Variants in DNAH7 observed in about 807,000 individuals in gnomAD.
DNAH7 encodes the protein axonemal beta dynein heavy chain 7.
Under a neutral mutation model 444.6 loss-of-function variants are expected in DNAH7, and 397 were observed. That is an observed-to-expected ratio of 0.89 (90% confidence interval 0.82 to 0.97). The LOEUF (loss-of-function observed/expected upper bound fraction) is 0.97. DNAH7 is among the 50% of genes least tolerant of loss of function. The pLI is 0.00. For missense variants in DNAH7, 4,902 were observed against 4,800.8 expected (o/e 1.02, Z -0.62); for synonymous variants, 1,636 against 1,624.4 (o/e 1.01, Z -0.17).
At chr2:195,900,608 A>C in intron 27 of DNAH7, 114 bp from the exon 28 acceptor site, 1 of 964,872 alleles carries the variant, frequency 1.0e-6, no homozygotes, top group Non-Finnish European at 1.6e-6. Flanking sequence ...AGTTTATCTC[A>C]TAGAAGTAGA....
intron 46 of DNAH7, 52 bp downstream of exon 46, chr2:195,853,291 T>C: frequency 1.3e-6 from 2 of 1,529,150 alleles, no homozygotes; most frequent in Non-Finnish European, 1.8e-6. Context: ...TGAAGGGTTA[T>C]ATTGGCTGTG....
chr2:195,807,747 G>A (rs1478638529), intron 53 of DNAH7, among the ~76,000 whole-genome samples: 1 of 152,178 alleles, frequency 6.6e-6, no homozygotes, highest in Non-Finnish European at 1.5e-5. Flanking sequence ...GAAAAGCTAT[G>A]TGGTATCTCA....
At chr2:196,013,040 G>T in intron 9 of DNAH7, 134 bp from the exon 10 acceptor site, 1 of 551,234 alleles carries the variant, frequency 1.8e-6, no homozygotes, top group Non-Finnish European at 2.9e-6. Context: ...ATAATTAAAT[G>T]TTAAAGAACA....
chr2:195,843,234 G>A (rs1482746129), intron 47 of DNAH7, among the ~76,000 whole-genome samples: 1 of 152,066 alleles, frequency 6.6e-6, no homozygotes, highest in African/African-American at 2.4e-5. Flanking sequence ...ATTCAACAAC[G>A]AGCTGCCCTT....
At chr2:195,922,267 A>AT in intron 23 of DNAH7, 70 bp from the exon 24 acceptor site, 1 of 915,806 alleles carries the variant, frequency 1.1e-6, no homozygotes, top group South Asian at 1.4e-5. Context: ...AAGCTCTTTA[A>AT]TAAGTAATAA....
chr2:195,829,933 C>T (rs1160789595), intron 48 of DNAH7, among the ~76,000 whole-genome samples: 1 of 151,312 alleles, frequency 6.6e-6, no homozygotes, highest in African/African-American at 2.4e-5. Context: ...ATGCGTCTCA[C>T]CGGAAAATTT....
At chr2:195,941,158 G>C (rs1398548701) in intron 19 of DNAH7, among the ~76,000 whole-genome samples, 1 of 152,100 alleles carries the variant, frequency 6.6e-6, no homozygotes, top group African/African-American at 2.4e-5. Flanking sequence ...TAAAGAAAAT[G>C]TGGCACATAT....
At chr2:195,970,990 G>A (rs1323237138) in intron 16 of DNAH7, among the ~76,000 whole-genome samples, 1 of 152,112 alleles carries the variant, frequency 6.6e-6, no homozygotes, top group Non-Finnish European at 1.5e-5. Context: ...AATTTTCCAA[G>A]AGCCTATTTT....
Position 195,754,448 on chromosome 2 carries a change from G to A in DNAH7, c.11653C>T (p.Leu3885=). Residue 3885 remains leucine (L), a synonymous_variant, in exon 63 of 65, where the codon CTG becomes TTG. Coordinates refer to ENST00000312428, the MANE Select transcript of DNAH7 (RefSeq NM_018897.3). ...LSGFFFTQAF[L]TGAQQNYARK... ...GCGTAGTTCTGCTGGGCACCGGTCA[G>A]GAAGGCTTGTGTGAAGAAGAAGCCA... The A allele has an allele frequency of 6.2e-7, 1 of 1,614,124 alleles. No homozygotes were observed. Among genetic ancestry groups the A allele is most frequent in the Non-Finnish European group, 8.5e-7 (1 of 1,179,978 alleles).
intron 5 of DNAH7, among the ~76,000 whole-genome samples, chr2:196,042,257 T>C (rs539712831): frequency 3.3e-5 from 5 of 151,934 alleles, no homozygotes; most frequent in Non-Finnish European, 5.9e-5. Context: ...ATATTCGAAA[T>C]AAAGAAAATA....
intron 49 of DNAH7, among the ~76,000 whole-genome samples, chr2:195,818,457 C>T (rs1433749081): frequency 6.6e-6 from 1 of 152,132 alleles, no homozygotes; most frequent in East Asian, 1.9e-4. Flanking sequence ...GCAGGTCTCT[C>T]TTCATTGTCC....
At chr2:195,847,276 A>G (rs1192294618) in intron 46 of DNAH7, among the ~76,000 whole-genome samples, 1 of 151,664 alleles carries the variant, frequency 6.6e-6, no homozygotes, top group Non-Finnish European at 1.5e-5. Context: ...AATCAACTCA[A>G]ATGGTACATA....
At chr2:195,777,717 A>G (rs1320420935) in intron 59 of DNAH7, 83 bp downstream of exon 59, 1 of 1,424,596 alleles carries the variant, frequency 7.0e-7, no homozygotes, top group South Asian at 1.4e-5. Context: ...GGCCTGCAGC[A>G]AAATCACCAT....
chr2:196,049,031 C>T (rs1258908166), intron 3 of DNAH7, among the ~76,000 whole-genome samples: 3 of 152,280 alleles, frequency 2.0e-5, no homozygotes, highest in Admixed American at 1.3e-4. Context: ...TATTGCAATA[C>T]CAGAACACAA....
intron 12 of DNAH7, chr2:195,995,495 G>T: frequency 3.0e-6 from 1 of 330,376 alleles, no homozygotes; most frequent in South Asian, 2.6e-5. Flanking sequence ...AACCATCTGA[G>T]AGGTACTGTG....
intron 15 of DNAH7, among the ~76,000 whole-genome samples, chr2:195,982,645 A>C (rs1268672254): frequency 6.6e-6 from 1 of 152,252 alleles, no homozygotes; most frequent in Non-Finnish European, 1.5e-5. Context: ...ATTCAGTTAT[A>C]AAAAAGAATG....
intron 47 of DNAH7, among the ~76,000 whole-genome samples, chr2:195,838,566 C>G (rs1304022025): frequency 2.6e-5 from 4 of 151,712 alleles, no homozygotes; most frequent in African/African-American, 2.4e-5. Context: ...AGTAGCAGAA[C>G]AGAGATAACA....
At chr2:196,054,571 T>C (rs1697683791) in intron 2 of DNAH7, among the ~76,000 whole-genome samples, 9 of 152,126 alleles carry the variant, frequency 5.9e-5, no homozygotes, top group Admixed American at 5.2e-4. Flanking sequence ...CACCTACCTA[T>C]ACTGTTCTCC....
In DNAH7 at chr2:195,820,377, A is replaced by C. The variant is rs534260716; in HGVS notation, c.9292-2548T>G. On this transcript the variant is annotated intron_variant, in intron 49 of 64. Coordinates refer to ENST00000312428, the MANE Select transcript of DNAH7 (RefSeq NM_018897.3). ...CTTAAAACCTAGATGACGAGTTGAT[A>C]GGTGCAGAAAACCATCATAGTATAT... 3.4e-4 allele frequency among the ~76,000 whole-genome samples: 52 copies of C among 152,060 alleles called. No homozygotes were observed. In the South Asian group the frequency reaches 9.6e-3, roughly 28 times the overall value.
Sources: gnomAD v4.1 joint callset for allele counts (sites outside exome capture counted in the v4.1 genomes callset) on GRCh38, gnomAD v4.1.1 for gene constraint, MANE v1.5 for transcripts, NCBI Gene and HGNC (gene_info 2026-07-23, HGNC 2026-07-21) for gene names.